The following CLMN variants were observed in gnomAD, a reference collection of about 807,000 sequenced individuals.
The protein encoded by CLMN is calmin (calponin-like, transmembrane).
A neutral mutation model predicts 92.7 loss-of-function variants in CLMN; 57 were observed. That is an observed-to-expected ratio of 0.61 (90% CI 0.50 to 0.77). The LOEUF (loss-of-function observed/expected upper bound fraction) is 0.77, where lower values mean the gene tolerates loss of function less well. Ranked by LOEUF, CLMN falls within the 30% of genes least tolerant of loss-of-function variation. The pLI is 0.00. For missense variants in CLMN, 1,158 were observed against 1,237.5 expected, an observed-to-expected ratio of 0.94 and a Z score of 0.96; for synonymous variants, 466 against 470.6, an observed-to-expected ratio of 0.99 and a Z score of 0.13.
At chr14:95,293,497 A>G (rs1409528582) in intron 1 of CLMN, among the ~76,000 whole-genome samples, 1 of 151,356 alleles carries the variant, frequency 6.6e-6, no homozygotes, top group East Asian at 2.0e-4. Context: ...ATAACCATAC[A>G]TATCTTGAGG....
chr14:95,245,954 T>G (rs1293948461), intron 1 of CLMN, among the ~76,000 whole-genome samples: 2 of 151,774 alleles, frequency 1.3e-5, no homozygotes, highest in South Asian at 4.2e-4. Flanking sequence ...CCCACTCCCT[T>G]TTCTACTCTT....
At position 95,194,494 on chromosome 14, in the gene CLMN, T is replaced by C; in HGVS notation, c.2769+42A>G. On this transcript the variant is annotated intron_variant, in intron 11 of 12. Coordinates refer to ENST00000298912, the MANE Select transcript of CLMN (RefSeq NM_024734.4). This position sits in a 1 kb window ranked among gnomAD's most constrained non-coding sequence, Gnocchi z 4.0. ...GGAGGAAGGATGGAAAGGAATTGAT[T>C]AGCAGGGGCCGTGCGGAAAGAGAAG... 6.2e-7 allele frequency: 1 copy of C among 1,613,820 alleles called. No individual in the cohort carries two copies. The highest frequency in any genetic ancestry group is 8.5e-7 in the Non-Finnish European group (1 of 1,179,732).
intron 9 of CLMN, among the ~76,000 whole-genome samples, chr14:95,201,857 G>T (rs1896893562): frequency 6.6e-6 from 1 of 151,498 alleles, no homozygotes; most frequent in South Asian, 2.1e-4. Flanking sequence ...CTTTTAGTTT[G>T]CTGAGAATGA....
rs3814816 is a variant in CLMN at position 95,185,428 on chromosome 14, G to C, written c.*6136C>G. ...TCCCAGCCTTCCACCACCCAACCCA[G>C]GTCCTGGACCTTGTCATTAGGGCAG... On this transcript the variant is annotated 3_prime_UTR_variant, in exon 13 of 13. Coordinates refer to ENST00000298912, the MANE Select transcript of CLMN (RefSeq NM_024734.4). The C allele has an allele frequency of 6.6e-6, 1 of 152,240 alleles. No homozygotes were observed. The highest frequency in any genetic ancestry group is 2.4e-5 in the African/African-American group (1 of 41,396). The allele number at this position is 152,240 out of a possible 1,614,324, so 9.4% of individuals were successfully genotyped here. A position where few individuals can be genotyped will look rare whatever the true frequency, so the allele number is the denominator to read the frequency against.
chr14:95,252,494 G>C lies in CLMN; in HGVS notation c.83-22361C>G, dbSNP rs553622361. On this transcript the variant is annotated intron_variant, in intron 1 of 12. Transcript: ENST00000298912. ...AGTCCAAGCAAGACTCATTGCTTAC[G>C]AGTAGCTGAGAGACATCTGGTCTGC... is the stretch of plus-strand genomic sequence containing the variant. Among the ~76,000 whole-genome samples the C allele has an allele frequency of 1.6e-3, 245 of 152,280 alleles. 2 individuals are homozygous for C. The highest frequency in any genetic ancestry group is 4.7e-3 in the African/African-American group (195 of 41,550).
chr14:95,283,739 AT>A (rs1327433433), intron 1 of CLMN, among the ~76,000 whole-genome samples: 1 of 152,192 alleles, frequency 6.6e-6, no homozygotes, highest in Non-Finnish European at 1.5e-5. Context: ...GGTGGAAGAA[AT>A]TTCTAAGCAG....
chr14:95,275,278 C>A (rs28583607), intron 1 of CLMN, among the ~76,000 whole-genome samples: 32,620 of 151,990 alleles, frequency 0.21, 4,028 homozygotes, highest in African/African-American at 0.34. Context: ...GACAGGAGGC[C>A]GGTGCAAGAC....
intron 4 of CLMN, among the ~76,000 whole-genome samples, chr14:95,217,485 G>T (rs1396322841): frequency 7.9e-5 from 12 of 152,204 alleles, no homozygotes; most frequent in Non-Finnish European, 7.3e-5. Context: ...ATCACTGGCA[G>T]GTCAGAGGCC....
rs866275700 is a variant in CLMN at position 95,250,218 on chromosome 14, T to C, written c.83-20085A>G. Among the ~76,000 whole-genome samples, 3 of 152,224 alleles carry C rather than the reference T, an allele frequency of 2.0e-5. No individual in the cohort carries two copies. In the East Asian group the frequency reaches 5.8e-4, roughly 29 times the overall value. ...CAAGAAATCCTCTTTGATGAAGCCA[T>C]TGTAAGTCAAGTTTTTGTTACTTGC... On this transcript the variant is annotated intron_variant, in intron 1 of 12. Transcript: ENST00000298912.
chr14:95,317,787 T>C (rs1415129706), intron 1 of CLMN, among the ~76,000 whole-genome samples: 3 of 152,208 alleles, frequency 2.0e-5, no homozygotes, highest in Non-Finnish European at 4.4e-5. Context: ...ATCTGGGTGG[T>C]TGTTACATAG....
At position 95,294,807 on chromosome 14, in the gene CLMN, G is replaced by T. The variant is rs1271638570; in HGVS notation, c.82+24904C>A. On this transcript the variant is annotated intron_variant, in intron 1 of 12. Transcript: ENST00000298912. This position sits in a 1 kb window ranked among gnomAD's most constrained non-coding sequence, Gnocchi z 4.2. Reference sequence around the variant, plus strand: ...ATGGGAGGCGCTGGCAGGACAACGTGGGGTGGAGGGGCCACATCACTTATT... The same window carrying T: ...ATGGGAGGCGCTGGCAGGACAACGTTGGGTGGAGGGGCCACATCACTTATT... Among the ~76,000 whole-genome samples, 1 of 152,134 alleles carries T rather than the reference G, an allele frequency of 6.6e-6. No homozygotes were observed. The highest frequency in any genetic ancestry group is 6.5e-5 in the Admixed American group (1 of 15,284).
Position 95,209,428 on chromosome 14 carries a change from T to C in CLMN, c.852A>G (p.Ala284=). The part of the protein sequence containing the change: ...PDEQSIMTYV[A]QFLERFPELE... ...ACTCCGGAAAACGTTCTAGAAACTG[T>C]GCCACGTAAGTCATGATAGACTGCT... is the stretch of plus-strand genomic sequence containing the variant. The change falls in exon 8 of 13, where the codon GCA becomes GCG. Residue 284 remains alanine, a synonymous_variant. Coordinates refer to ENST00000298912, the MANE Select transcript of CLMN (RefSeq NM_024734.4). 6.2e-7 allele frequency: 1 copy of C among 1,614,164 alleles called. No individual in the cohort carries two copies. Among genetic ancestry groups the C allele is most frequent in the Non-Finnish European group, 8.5e-7 (1 of 1,180,026 alleles).
Position 95,319,766 on chromosome 14 carries a change from G to T in CLMN, c.27C>A (p.Phe9Leu). Reference protein sequence around the residue: MAAHEWDWFQREELIGQIS... With the variant: MAAHEWDWLQREELIGQIS... ...TCTGCCCGATGAGCTCCTCGCGTTGGAACCAGTCCCACTCGTGTGCAGCCA... is the reference window on the plus strand; with the variant it reads ...TCTGCCCGATGAGCTCCTCGCGTTGTAACCAGTCCCACTCGTGTGCAGCCA... The change falls in exon 1 of 13, where the codon TTC (phenylalanine) becomes TTA (leucine). Residue 9 changes from phenylalanine to leucine, a missense_variant. Phe to Leu is a conservative substitution (Grantham distance 22, BLOSUM62 0). Transcript: ENST00000298912. 1 of 1,595,822 alleles carries T rather than the reference G, an allele frequency of 6.3e-7. No individual in the cohort carries two copies.
chr14:95,212,920 G>C (rs1367740403), intron 6 of CLMN, among the ~76,000 whole-genome samples: 1 of 151,830 alleles, frequency 6.6e-6, no homozygotes, highest in African/African-American at 2.4e-5. Context: ...CGAGTAGCTG[G>C]GACTACAGGT....
At chr14:95,296,471 C>G (rs1287944088) in intron 1 of CLMN, among the ~76,000 whole-genome samples, 2 of 152,250 alleles carry the variant, frequency 1.3e-5, no homozygotes, top group Non-Finnish European at 2.9e-5. Flanking sequence ...ATCAGAACCT[C>G]TTGTTCTTAG....
intron 1 of CLMN, among the ~76,000 whole-genome samples, chr14:95,245,224 ATTAT>A (rs1209804380): frequency 3.5e-5 from 1 of 28,346 alleles, no homozygotes. Flanking sequence ...ATATATATAT[ATTAT>A]ATATATATAT....
intron 1 of CLMN, among the ~76,000 whole-genome samples, chr14:95,249,362 G>T (rs752967952): frequency 7.2e-5 from 11 of 152,148 alleles, no homozygotes; most frequent in Non-Finnish European, 1.0e-4. Context: ...GTGGGAAACT[G>T]GCACAGTCCT....
chr14:95,261,053 C>T (rs188791061), intron 1 of CLMN, among the ~76,000 whole-genome samples: 12 of 152,138 alleles, frequency 7.9e-5, no homozygotes, highest in Middle Eastern at 3.4e-3. Context: ...TGGCCAACAG[C>T]GCTGTAACTC....
intron 4 of CLMN, 123 bp downstream of exon 4, chr14:95,221,568 A>C (rs1415275848): frequency 6.2e-6 from 5 of 809,532 alleles, no homozygotes; most frequent in African/African-American, 1.7e-5. Context: ...AGCTTAGTTT[A>C]ATTTGACCAT....
Sources: gnomAD v4.1 joint callset for allele counts (sites outside exome capture counted in the v4.1 genomes callset) on GRCh38, gnomAD v4.1.1 for gene constraint, Gnocchi (gnomAD v3.1) non-coding constraint, MANE v1.5 for transcripts, NCBI Gene and HGNC (gene_info 2026-07-23, HGNC 2026-07-21) for gene names.